Variants in MKLN1 observed in about 807,000 individuals in gnomAD.
MKLN1 encodes the protein muskelin 1.
A neutral mutation model predicts 99.0 loss-of-function variants in MKLN1; 18 were observed. The observed-to-expected ratio is 0.18, with a 90% CI of 0.13 to 0.27. The LOEUF (loss-of-function observed/expected upper bound fraction) is 0.27, where lower values mean the gene tolerates loss of function less well. Ranked by LOEUF, MKLN1 falls within the 10% of genes least tolerant of loss-of-function variation. The probability of loss-of-function intolerance (pLI) is 1.00; values close to 1 mark genes in which losing one functional copy is unlikely to be tolerated. For missense variants in MKLN1, 621 were observed against 875.9 expected, an observed-to-expected ratio of 0.71 and a Z score of 3.67; for synonymous variants, 288 against 293.2, an observed-to-expected ratio of 0.98 and a Z score of 0.18.
Position 131,387,230 on chromosome 7 carries a change from G to A in MKLN1, c.279G>A (p.Met93Ile). 1 of 1,611,840 alleles carries A rather than the reference G, an allele frequency of 6.2e-7. No homozygotes were observed. Among genetic ancestry groups the A allele is most frequent in the Non-Finnish European group, 8.5e-7 (1 of 1,179,066 alleles). The change falls in exon 3 of 18, where the codon ATG (methionine) becomes ATA (isoleucine). Residue 93 changes from methionine to isoleucine, a missense_variant. Coordinates refer to ENST00000352689, the MANE Select transcript of MKLN1 (RefSeq NM_013255.5). ...NLKKFKVFGG[M>I]NEENMTELLS... Reference sequence around the variant, plus strand: ...AGAAATTTAAAGTCTTTGGTGGAATGAATGAAGAAAATATGACAGAGCTGT... The same window carrying A: ...AGAAATTTAAAGTCTTTGGTGGAATAAATGAAGAAAATATGACAGAGCTGT...
chr7:131,121,711 C>T (rs1165108580), intron 1 of MKLN1, among the ~76,000 whole-genome samples: 1 of 143,092 alleles, frequency 7.0e-6, no homozygotes, highest in African/African-American at 2.6e-5. Context: ...GCAAGAAATG[C>T]AAGAATGGAC....
At chr7:131,192,914 T>C (rs752235941) in intron 2 of MKLN1, among the ~76,000 whole-genome samples, 1 of 152,142 alleles carries the variant, frequency 6.6e-6, no homozygotes, top group African/African-American at 2.4e-5. Flanking sequence ...GGATGGGTGG[T>C]TACTACTACC....
At chr7:131,216,370 C>G (rs1796981428) in intron 3 of MKLN1, among the ~76,000 whole-genome samples, 3 of 150,906 alleles carry the variant, frequency 2.0e-5, no homozygotes, top group Non-Finnish European at 4.4e-5. Context: ...TTGCAGTGAG[C>G]CGACATTGCG....
intron 6 of MKLN1, among the ~76,000 whole-genome samples, chr7:131,401,688 C>T (rs1794548882): frequency 6.6e-6 from 1 of 152,002 alleles, no homozygotes; most frequent in Admixed American, 6.6e-5. Context: ...AGGTTTGGTT[C>T]CAGACCACTG....
intron 17 of MKLN1, among the ~76,000 whole-genome samples, chr7:131,485,368 A>G (rs530126190): frequency 3.3e-5 from 5 of 152,242 alleles, no homozygotes; most frequent in African/African-American, 1.2e-4. Context: ...AATGTCAACA[A>G]CTGTAGAAGG....
At chr7:131,448,253 G>T (rs568818149) in intron 12 of MKLN1, among the ~76,000 whole-genome samples, 2 of 152,074 alleles carry the variant, frequency 1.3e-5, no homozygotes, top group Non-Finnish European at 2.9e-5. Context: ...GTGGCAATGC[G>T]TGATAGTGAC....
At chr7:131,297,438 C>A (rs1798309871) in intron 3 of MKLN1, among the ~76,000 whole-genome samples, 1 of 150,754 alleles carries the variant, frequency 6.6e-6, no homozygotes, top group South Asian at 2.1e-4. Flanking sequence ...TACATACACA[C>A]ACACACACAG....
chr7:131,328,050 T>C, intron 1 of MKLN1, 53 bp downstream of exon 1: 2 of 1,586,464 alleles, frequency 1.3e-6, no homozygotes, highest in Non-Finnish European at 1.7e-6. Context: ...GTCAGCACGG[T>C]TGGGCCAGGG....
chr7:131,389,376 A>G (rs1430336641), intron 4 of MKLN1, among the ~76,000 whole-genome samples: 1 of 152,188 alleles, frequency 6.6e-6, no homozygotes, highest in African/African-American at 2.4e-5. Context: ...TACTAAAACA[A>G]TAATATTCTA....
At chr7:131,268,248 G>A (rs1040228724) in intron 3 of MKLN1, among the ~76,000 whole-genome samples, 3 of 152,202 alleles carry the variant, frequency 2.0e-5, no homozygotes, top group South Asian at 2.1e-4. Flanking sequence ...ATTCCTTGAT[G>A]TTGAGCTTGG....
At chr7:131,400,933 G>A (rs1281730976) in intron 6 of MKLN1, among the ~76,000 whole-genome samples, 3 of 152,040 alleles carry the variant, frequency 2.0e-5, no homozygotes, top group Non-Finnish European at 4.4e-5. Context: ...TTCTAAACTG[G>A]CCTGGAACAC....
chr7:131,437,711 T>G, intron 9 of MKLN1, 74 bp from the exon 10 acceptor site: 1 of 1,174,260 alleles, frequency 8.5e-7, no homozygotes. Flanking sequence ...ACGTTTAATT[T>G]TTCTATTATT....
At chr7:131,187,617 G>A (rs1796471422) in intron 2 of MKLN1, among the ~76,000 whole-genome samples, 1 of 152,136 alleles carries the variant, frequency 6.6e-6, no homozygotes, top group Non-Finnish European at 1.5e-5. Context: ...TTACTGGCTG[G>A]CCCTTTACAG....
rs879478846 is a variant in MKLN1, at chr7:131,399,132, G to A, written c.511-109G>A. 6.9e-5 allele frequency: 63 copies of A among 918,580 alleles called. 1 individual carries two copies. In the Admixed American group the frequency reaches 1.3e-3, roughly 20 times the overall value. The allele number at this position is 918,580 out of a possible 1,614,324, so 56.9% of individuals were successfully genotyped here. A position where few individuals can be genotyped will look rare whatever the true frequency, so the allele number is the denominator to read the frequency against. ...AGGTTAGTAAACTGCTTGGCACATA[G>A]TGTTAATAAATGCTCAGTGTAGATT... is the stretch of plus-strand genomic sequence containing the variant. On this transcript the variant is annotated intron_variant, in intron 5 of 17. Transcript: ENST00000352689.
At chr7:131,403,901 T>TG (rs1794625375) in intron 6 of MKLN1, among the ~76,000 whole-genome samples, 3 of 152,346 alleles carry the variant, frequency 2.0e-5, no homozygotes, top group Admixed American at 2.0e-4. Context: ...GAAATTCTGT[T>TG]GGAAAAACGG....
intron 2 of MKLN1, among the ~76,000 whole-genome samples, chr7:131,195,110 C>T (rs1236849625): frequency 6.6e-6 from 1 of 152,190 alleles, no homozygotes; most frequent in East Asian, 1.9e-4. Flanking sequence ...GAATTACCTA[C>T]AAACCTGGTG....
intron 1 of MKLN1, among the ~76,000 whole-genome samples, chr7:131,338,695 A>G (rs969917111): frequency 1.4e-4 from 21 of 152,218 alleles, no homozygotes; most frequent in Non-Finnish European, 2.9e-4. Context: ...ATATTAATGT[A>G]AAAACGTACG....
At chr7:131,242,943 T>C in intron 3 of MKLN1, 2 of 654,658 alleles carry the variant, frequency 3.1e-6, no homozygotes, top group Non-Finnish European at 5.8e-6. Flanking sequence ...CAAGGTCAAG[T>C]TTGAAGAGAG....
At chr7:131,360,992 A>G (rs1563310891) in intron 1 of MKLN1, among the ~76,000 whole-genome samples, 1 of 151,820 alleles carries the variant, frequency 6.6e-6, no homozygotes, top group Non-Finnish European at 1.5e-5. Context: ...TCTTGCTTGC[A>G]TAGTTTCTGA....
Sources: allele counts gnomAD v4.1 joint callset (sites outside exome capture counted in the v4.1 genomes callset), GRCh38; gene constraint gnomAD v4.1.1; transcripts MANE v1.5; gene names NCBI Gene and HGNC (gene_info 2026-07-23, HGNC 2026-07-21).